The following AK5 variants were observed in gnomAD, a reference collection of about 807,000 sequenced individuals.
The protein encoded by AK5 is adenylate kinase 5.
Under a neutral mutation model 69.5 loss-of-function variants are expected in AK5, and 27 were observed. The ratio of observed to expected loss-of-function variants is 0.39; its 90% CI spans 0.29 to 0.54. The LOEUF is 0.54. AK5 is among the 20% of genes least tolerant of loss of function. The pLI, the probability that AK5 is intolerant of heterozygous loss-of-function variation, is 0.71. For missense variants in AK5, 531 were observed against 700.4 expected, an observed-to-expected ratio of 0.76 and a Z score of 2.73; for synonymous variants, 260 against 244.4, an observed-to-expected ratio of 1.06 and a Z score of -0.60.
rs947388298 is a variant in AK5, at chr1:77,445,909, C to G, written c.1059+28194C>G. Among the ~76,000 whole-genome samples the G allele has an allele frequency of 4.6e-5, 7 of 152,002 alleles. No homozygotes were observed. The East Asian group carries it at 1.2e-3, about 25-fold the overall frequency. ...CAGCCTTTCCTATTTTTTATTGTTT[C>G]GTTCACTGTGCAGCTTTTTAGTTTG... On this transcript the variant is annotated intron_variant, in intron 8 of 13. Coordinates refer to ENST00000354567, the MANE Select transcript of AK5 (RefSeq NM_174858.3).
intron 13 of AK5, among the ~76,000 whole-genome samples, chr1:77,544,596 C>A (rs1372199502): frequency 6.6e-6 from 1 of 151,026 alleles, no homozygotes; most frequent in East Asian, 1.9e-4. Flanking sequence ...CACACACATT[C>A]GCCTAGGCCT....
At chr1:77,543,967 A>G (rs913908686) in intron 13 of AK5, among the ~76,000 whole-genome samples, 1 of 152,312 alleles carries the variant, frequency 6.6e-6, no homozygotes, top group East Asian at 1.9e-4. Context: ...ATCATTTAAC[A>G]GTAAGGATAC....
intron 6 of AK5, among the ~76,000 whole-genome samples, chr1:77,400,748 C>T (rs1208675569): frequency 6.6e-6 from 1 of 151,906 alleles, no homozygotes; most frequent in Non-Finnish European, 1.5e-5. Context: ...GACTTTTTCC[C>T]CACAAAGTTC....
At chr1:77,461,244 A>G (rs1227512333) in intron 8 of AK5, among the ~76,000 whole-genome samples, 1 of 149,778 alleles carries the variant, frequency 6.7e-6, no homozygotes, top group Non-Finnish European at 1.5e-5. Flanking sequence ...CGTGTTAGCC[A>G]GGATGATCTC....
At chr1:77,348,669 G>A (rs1371415337) in intron 6 of AK5, among the ~76,000 whole-genome samples, 1 of 152,028 alleles carries the variant, frequency 6.6e-6, no homozygotes, top group Non-Finnish European at 1.5e-5. Context: ...GTTGGTAGCT[G>A]AATGTCATGT....
chr1:77,367,674 A>T (rs1028267603), intron 6 of AK5, among the ~76,000 whole-genome samples: 1 of 26,312 alleles, frequency 3.8e-5, no homozygotes, highest in Non-Finnish European at 8.4e-5. Flanking sequence ...GTTATATATA[A>T]TATATATGTT....
chr1:77,298,021 C>A, intron 5 of AK5, 74 bp downstream of exon 5: 1 of 1,035,844 alleles, frequency 9.7e-7, no homozygotes, highest in Non-Finnish European at 1.4e-6. Context: ...AAAAAGACTT[C>A]TTGGAAGACT....
chr1:77,367,571 A>ATTT lies in AK5; in HGVS notation c.891+27004_891+27005insTTT, dbSNP rs58146762. On this transcript the variant is annotated intron_variant, in intron 6 of 13. Transcript: ENST00000354567. The stretch of plus-strand genomic sequence containing the variant: ...TTATGTTATTTTTATATATATATAT[A>ATTT]TATATATAATATATATGTTATATAT... 1.9e-4 allele frequency among the ~76,000 whole-genome samples: 3 copies of ATTT among 15,752 alleles called. 1 individual carries two copies. Among genetic ancestry groups the ATTT allele is most frequent in the Non-Finnish European group, 4.3e-4 (3 of 7,016 alleles). 10.3% of individuals were successfully genotyped at this position (15,752 alleles called of 152,430 possible).
chr1:77,298,880 A>G (rs1255238775), intron 5 of AK5, among the ~76,000 whole-genome samples: 1 of 152,116 alleles, frequency 6.6e-6, no homozygotes, highest in Non-Finnish European at 1.5e-5. Context: ...TGCTCATACA[A>G]ATTTTAAGTC....
At chr1:77,337,755 CCTTA>C (rs1305454777) in intron 5 of AK5, among the ~76,000 whole-genome samples, 1 of 152,036 alleles carries the variant, frequency 6.6e-6, no homozygotes. Context: ...GGAGTTTATT[CCTTA>C]CTTTGCAGCG....
At position 77,282,291 on chromosome 1, in the gene AK5, C is replaced by T; in HGVS notation, c.-23C>T. ...AGCCCGGGAGCCTCCCCGCTTGCGCCCCAAGGCACGCGCGGCACAGCCATG... is the reference window on the plus strand; with the variant it reads ...AGCCCGGGAGCCTCCCCGCTTGCGCTCCAAGGCACGCGCGGCACAGCCATG... On this transcript the variant is annotated 5_prime_UTR_variant, in exon 1 of 14. Transcript: ENST00000354567. The T allele has an allele frequency of 6.5e-7, 1 of 1,545,018 alleles. No individual in the cohort carries two copies. Among genetic ancestry groups the T allele is most frequent in the Non-Finnish European group, 8.7e-7 (1 of 1,144,544 alleles).
At chr1:77,367,483 GT>G (rs202021729) in intron 6 of AK5, among the ~76,000 whole-genome samples, 10,164 of 133,556 alleles carry the variant, frequency 0.076, 508 homozygotes, top group East Asian at 0.18. Flanking sequence ...CACCTGGCTA[GT>G]TTTTTTTTGT....
intron 8 of AK5, among the ~76,000 whole-genome samples, chr1:77,445,374 A>G (rs1395612957): frequency 1.3e-5 from 2 of 152,100 alleles, no homozygotes; most frequent in Non-Finnish European, 2.9e-5. Flanking sequence ...TTTCCTCATT[A>G]TTAGGGATGT....
At chr1:77,435,683 C>A (rs1025436453) in intron 8 of AK5, among the ~76,000 whole-genome samples, 2 of 150,700 alleles carry the variant, frequency 1.3e-5, no homozygotes, top group Non-Finnish European at 1.5e-5. Context: ...TAGAAGATGG[C>A]TGAAATTTTA....
intron 8 of AK5, among the ~76,000 whole-genome samples, chr1:77,430,899 T>C (rs1023507989): frequency 1.4e-4 from 21 of 152,178 alleles, no homozygotes; most frequent in African/African-American, 5.1e-4. Flanking sequence ...AAGCATGTTT[T>C]AACTCACAGG....
intron 6 of AK5, among the ~76,000 whole-genome samples, chr1:77,342,985 A>G (rs1208974597): frequency 1.3e-5 from 2 of 152,178 alleles, no homozygotes; most frequent in African/African-American, 4.8e-5. Context: ...GCACAGACAT[A>G]TTGCAGACAC....
intron 5 of AK5, among the ~76,000 whole-genome samples, chr1:77,329,089 C>T (rs1019086179): frequency 3.3e-5 from 5 of 151,162 alleles, no homozygotes; most frequent in African/African-American, 1.2e-4. Context: ...AACACGTGAA[C>T]TTTTGGTGGA....
At chr1:77,534,673 G>A (rs1658858814) in intron 12 of AK5, among the ~76,000 whole-genome samples, 1 of 152,160 alleles carries the variant, frequency 6.6e-6, no homozygotes, top group South Asian at 2.1e-4. Flanking sequence ...TGAACAATAT[G>A]TAAGTCTGGC....
chr1:77,444,658 G>A (rs1353178038), intron 8 of AK5, among the ~76,000 whole-genome samples: 1 of 115,472 alleles, frequency 8.7e-6, no homozygotes, highest in Non-Finnish European at 1.7e-5. Flanking sequence ...TATATACATA[G>A]TATAAATATA....
Sources: allele counts gnomAD v4.1 joint callset (sites outside exome capture counted in the v4.1 genomes callset), GRCh38; gene constraint gnomAD v4.1.1; transcripts MANE v1.5; gene names NCBI Gene and HGNC (gene_info 2026-07-23, HGNC 2026-07-21).